The following COL27A1 variants were observed in gnomAD, a reference collection of about 807,000 sequenced individuals.
COL27A1 encodes collagen type XXVII alpha 1 chain, also known as collagen alpha-1(XXVII) chain.
Under a neutral mutation model 251.3 loss-of-function variants are expected in COL27A1, and 106 were observed. The observed-to-expected ratio is 0.42, with a 90% confidence interval of 0.36 to 0.50. The LOEUF is 0.50. Among genes scored for constraint, COL27A1 ranks in the 20% least tolerant of loss-of-function variants. The pLI is 0.00. For missense variants in COL27A1, 2,325 were observed against 2,522.8 expected, an observed-to-expected ratio of 0.92 and a Z score of 1.68; for synonymous variants, 1,000 against 986.3, an observed-to-expected ratio of 1.01 and a Z score of -0.26.
At chr9:114,245,526 C>T (rs1833071265) in intron 23 of COL27A1, among the ~76,000 whole-genome samples, 1 of 152,188 alleles carries the variant, frequency 6.6e-6, no homozygotes, top group African/African-American at 2.4e-5. Context: ...ACTGTGTGAC[C>T]TCAGGCAGGT....
intron 49 of COL27A1, among the ~76,000 whole-genome samples, chr9:114,299,593 C>T (rs1828476930): frequency 6.6e-6 from 1 of 152,256 alleles, no homozygotes; most frequent in Non-Finnish European, 1.5e-5. Flanking sequence ...GTTTCCTCAT[C>T]TGTAAACAGG....
rs557335089 is a variant in COL27A1 at position 114,197,549 on chromosome 9, G to A, written c.2124+1537G>A. Among the ~76,000 whole-genome samples, 34 of 152,262 alleles carry A rather than the reference G, an allele frequency of 2.2e-4. No individual in the cohort carries two copies. In the South Asian group the frequency reaches 2.3e-3, roughly 10 times the overall value. On this transcript the variant is annotated intron_variant, in intron 7 of 60. Coordinates refer to ENST00000356083, the MANE Select transcript of COL27A1 (RefSeq NM_032888.4). ...CGGTCCCAGCTCATAAAGCAGCCTCGGGTGGTCTTGTTCTGCATGGGGGTG... is the reference window on the plus strand; with the variant it reads ...CGGTCCCAGCTCATAAAGCAGCCTCAGGTGGTCTTGTTCTGCATGGGGGTG...
intron 49 of COL27A1, among the ~76,000 whole-genome samples, chr9:114,297,669 A>T (rs1229012232): frequency 1.3e-5 from 2 of 152,214 alleles, no homozygotes; most frequent in African/African-American, 4.8e-5. Context: ...ACAGAAGGGA[A>T]CATCCTCAAC....
intron 1 of COL27A1, among the ~76,000 whole-genome samples, chr9:114,160,636 A>G (rs969352020): frequency 4.6e-5 from 7 of 151,422 alleles, no homozygotes; most frequent in Non-Finnish European, 7.4e-5. Flanking sequence ...CCTGGAGTTC[A>G]AGTCTAGCCT....
intron 2 of COL27A1, among the ~76,000 whole-genome samples, chr9:114,166,398 C>CCATCCAT (rs1347413059): frequency 0.038 from 5,450 of 144,522 alleles, 224 homozygotes; most frequent in African/African-American, 0.064. Flanking sequence ...CATCCATCCA[C>CCATCCAT]CCACCCACCT....
intron 1 of COL27A1, among the ~76,000 whole-genome samples, chr9:114,159,366 C>T (rs1848339926): frequency 6.6e-6 from 1 of 152,060 alleles, no homozygotes; most frequent in East Asian, 1.9e-4. Context: ...ACCTTCTCTT[C>T]CCCACCTCGC....
intron 5 of COL27A1, among the ~76,000 whole-genome samples, chr9:114,189,237 T>C (rs144500165): frequency 0.02 from 3,055 of 152,272 alleles, 42 homozygotes; most frequent in Middle Eastern, 0.054. Flanking sequence ...TTCATGTTAA[T>C]GGGGGTGATG....
rs151004313 is a variant in COL27A1, at chr9:114,288,749, G to A, written c.4092G>A (p.Gly1364=). ...ACCGCGGGGAACCGGGAGACCCTGG[G>A]TACCCTGTAAGTATCAGAGCTCCTA... ...RGDRGEPGDP[G]YPGQEGVQGL... Residue 1364 remains glycine, a synonymous_variant, in exon 43 of 61, where the codon GGG becomes GGA. Transcript: ENST00000356083. 126 of 1,610,492 alleles carry A rather than the reference G, an allele frequency of 7.8e-5. No homozygotes were observed. The highest frequency in any genetic ancestry group is 1.0e-4 in the Non-Finnish European group (121 of 1,177,278).
At position 114,290,784 on chromosome 9, in the gene COL27A1, C is replaced by A. The variant is rs780222559; in HGVS notation, c.4369-26C>A. 3.3e-5 allele frequency: 50 copies of A among 1,504,804 alleles called. No homozygotes were observed. The Admixed American group carries it at 1.0e-3, about 30-fold the overall frequency. 93.2% of individuals were successfully genotyped at this position (1,504,804 alleles called of 1,614,324 possible). A position where few individuals can be genotyped will look rare whatever the true frequency, so the allele number is the denominator to read the frequency against. ...TGGCTGTATCGTGAAACACAAGAGA[C>A]CCTCCTCTGCCTGCTTTCTTAACAG... On this transcript the variant is annotated intron_variant, in intron 47 of 60. Transcript: ENST00000356083. The surrounding 1 kb of genome is among the most constrained non-coding windows in gnomAD (Gnocchi z 4.6).
At chr9:114,249,681 C>G (rs977118295) in intron 24 of COL27A1, among the ~76,000 whole-genome samples, 13 of 152,222 alleles carry the variant, frequency 8.5e-5, no homozygotes, top group African/African-American at 2.9e-4. Flanking sequence ...TACACAAACT[C>G]TGGCCTATTC....
At chr9:114,236,689 T>C (rs1283534043) in intron 17 of COL27A1, among the ~76,000 whole-genome samples, 1 of 152,134 alleles carries the variant, frequency 6.6e-6, no homozygotes, top group Non-Finnish European at 1.5e-5. Context: ...TCTCCAGAGT[T>C]CCCCAGGAGT....
chr9:114,289,514 C>G (rs930643596), intron 45 of COL27A1, among the ~76,000 whole-genome samples: 2 of 152,172 alleles, frequency 1.3e-5, no homozygotes, highest in Non-Finnish European at 2.9e-5. Flanking sequence ...CACTGGGGCT[C>G]CAGGAGGGGA....
At chr9:114,245,148 G>GTTTTGT (rs1833027956) in intron 23 of COL27A1, among the ~76,000 whole-genome samples, 22 of 101,306 alleles carry the variant, frequency 2.2e-4, no homozygotes, top group African/African-American at 8.5e-4. Context: ...GTGCATTCTT[G>GTTTTGT]TTTTTTTTTT....
chr9:114,300,586 G>C, intron 50 of COL27A1, 39 bp from the exon 51 acceptor site: 1 of 1,512,194 alleles, frequency 6.6e-7, no homozygotes, highest in Non-Finnish European at 8.9e-7. Flanking sequence ...TTACCCAGTG[G>C]CTGCCAAGTA....
At chr9:114,283,646 G>A in intron 39 of COL27A1, 63 bp from the exon 40 acceptor site, 1 of 1,489,144 alleles carries the variant, frequency 6.7e-7, no homozygotes, top group South Asian at 1.1e-5. Flanking sequence ...CCTGCAGGGA[G>A]ACTGCTGTGT....
Position 114,306,636 on chromosome 9 carries a change from C to T in COL27A1, c.5055C>T (p.Asn1685=), listed in dbSNP as rs1829068800. The change falls in exon 58 of 61, where the codon AAC becomes AAT. Residue 1685 remains asparagine (N), a synonymous_variant. Transcript: ENST00000356083. The part of the protein sequence containing the change: ...SIKTPLGTKE[N]PARVCRDLMD... ...AGACGCCCCTGGGCACCAAAGAGAA[C>T]CCCGCCCGGGTCTGCAGGGACCTCA... 3.1e-6 allele frequency: 5 copies of T among 1,614,178 alleles called. No homozygotes were observed. Among genetic ancestry groups the T allele is most frequent in the South Asian group, 1.1e-5 (1 of 91,086 alleles).
intron 24 of COL27A1, 97 bp from the exon 25 acceptor site, chr9:114,250,517 TG>T: frequency 1.8e-6 from 2 of 1,128,474 alleles, no homozygotes; most frequent in Non-Finnish European, 2.7e-6. Context: ...CAGGCACGGG[TG>T]GGAGACACCT....
At chr9:114,178,254 G>T in intron 3 of COL27A1, 37 bp from the exon 4 acceptor site, 1 of 1,574,924 alleles carries the variant, frequency 6.3e-7, no homozygotes, top group South Asian at 1.1e-5. Context: ...GCTGCCAGTG[G>T]GCACTGTCTA....
chr9:114,215,868 C>G (rs1158275043), intron 12 of COL27A1, among the ~76,000 whole-genome samples: 1 of 152,194 alleles, frequency 6.6e-6, no homozygotes, highest in East Asian at 1.9e-4. Context: ...CCCAGCCCTG[C>G]CAGGTGAGTG....
Sources: allele counts gnomAD v4.1 joint callset (sites outside exome capture counted in the v4.1 genomes callset), GRCh38; gene constraint gnomAD v4.1.1; non-coding constraint Gnocchi (gnomAD v3.1); transcripts MANE v1.5; gene names NCBI Gene and HGNC (gene_info 2026-07-23, HGNC 2026-07-21).